Variants in GABRA4 observed in about 807,000 individuals in gnomAD.
The protein encoded by GABRA4 is gamma-aminobutyric acid type A receptor subunit alpha4, also known as gamma-aminobutyric acid receptor subunit alpha-4.
In GABRA4, 12 loss-of-function variants were observed where a neutral mutation model predicts 49.7. The ratio of observed to expected loss-of-function variants is 0.24; its 90% CI spans 0.15 to 0.39. The LOEUF (loss-of-function observed/expected upper bound fraction) is 0.39. Among genes scored for constraint, GABRA4 ranks in the 10% least tolerant of loss-of-function variants. The pLI, the probability that GABRA4 is intolerant of heterozygous loss-of-function variation, is 1.00. For missense variants in GABRA4, 506 were observed against 686.0 expected (o/e 0.74, Z 2.93); for synonymous variants, 288 against 240.2 (o/e 1.20, Z -1.84).
At chr4:46,944,422 T>C (rs947903413) in intron 8 of GABRA4, among the ~76,000 whole-genome samples, 1 of 152,126 alleles carries the variant, frequency 6.6e-6, no homozygotes, top group African/African-American at 2.4e-5. Context: ...CGCTCATTAA[T>C]GACACTTGAT....
chr4:46,968,258 A>G (rs1404598791), intron 7 of GABRA4, among the ~76,000 whole-genome samples: 1 of 151,590 alleles, frequency 6.6e-6, no homozygotes, highest in African/African-American at 2.4e-5. Context: ...ATAGTCTAAT[A>G]ATTATCAATC....
At chr4:46,974,521 AC>A in intron 5 of GABRA4, 146 bp from the exon 6 acceptor site, 1 of 721,662 alleles carries the variant, frequency 1.4e-6, no homozygotes, top group South Asian at 4.0e-5. Flanking sequence ...AATTTAGTTC[AC>A]TATAATTTAG....
At chr4:46,965,377 T>C in intron 7 of GABRA4, 148 bp from the exon 8 acceptor site, 1 of 599,520 alleles carries the variant, frequency 1.7e-6, no homozygotes, top group Non-Finnish European at 2.6e-6. Context: ...TGATGGAGAA[T>C]TGGAATCTTA....
At chr4:46,935,574 T>G (rs1721577531) in intron 8 of GABRA4, among the ~76,000 whole-genome samples, 1 of 151,212 alleles carries the variant, frequency 6.6e-6, no homozygotes, top group African/African-American at 2.4e-5. Context: ...CCAAAGCAAA[T>G]GATCACTGAA....
At chr4:46,977,872 T>C (rs1430784123) in intron 3 of GABRA4, among the ~76,000 whole-genome samples, 1 of 152,016 alleles carries the variant, frequency 6.6e-6, no homozygotes, top group Non-Finnish European at 1.5e-5. Context: ...TTACCACACA[T>C]ACTAATAATT....
intron 2 of GABRA4, among the ~76,000 whole-genome samples, chr4:46,980,972 A>T (rs1397368725): frequency 6.6e-6 from 1 of 152,158 alleles, no homozygotes; most frequent in African/African-American, 2.4e-5. Flanking sequence ...ATTTGGCAAG[A>T]TTCTTGAGAA....
chr4:46,992,144 A>G (rs1485085782), intron 2 of GABRA4, among the ~76,000 whole-genome samples: 1 of 152,206 alleles, frequency 6.6e-6, no homozygotes, highest in Non-Finnish European at 1.5e-5. Context: ...CAAAGGAAAT[A>G]TGAATATGAA....
At chr4:46,950,604 C>A (rs192825640) in intron 8 of GABRA4, among the ~76,000 whole-genome samples, 5 of 151,854 alleles carry the variant, frequency 3.3e-5, no homozygotes, top group Admixed American at 1.3e-4. Context: ...CAAAACAAAT[C>A]TCAGGCTCAT....
chr4:46,955,046 AATG>A (rs1435890585), intron 8 of GABRA4, among the ~76,000 whole-genome samples: 1 of 152,158 alleles, frequency 6.6e-6, no homozygotes, highest in East Asian at 1.9e-4. Context: ...GTACTCAATA[AATG>A]ATGATGATGT....
At chr4:46,983,745 T>C (rs547611817) in intron 2 of GABRA4, among the ~76,000 whole-genome samples, 19 of 152,218 alleles carry the variant, frequency 1.2e-4, no homozygotes, top group Admixed American at 9.2e-4. Context: ...TTACTCAGAG[T>C]ATAATTACAT....
At chr4:46,935,833 A>G (rs1227905813) in intron 8 of GABRA4, among the ~76,000 whole-genome samples, 1 of 152,168 alleles carries the variant, frequency 6.6e-6, no homozygotes, top group Non-Finnish European at 1.5e-5. Flanking sequence ...AAAGTTTTTA[A>G]AAAAAGAATA....
Position 46,974,365 on chromosome 4 carries a change from T to C in GABRA4, c.588A>G (p.Pro196=), listed in dbSNP as rs1412872009. 1 of 1,609,892 alleles carries C rather than the reference T, an allele frequency of 6.2e-7. No individual in the cohort carries two copies. The highest frequency in any genetic ancestry group is 1.3e-5 in the African/African-American group (1 of 74,806). Residue 196 remains proline, a synonymous_variant, in exon 6 of 9, where the codon CCA becomes CCG. Coordinates refer to ENST00000264318, the MANE Select transcript of GABRA4 (RefSeq NM_000809.4). ...CPLKFGSYAY[P]KSEMIYTWTK... ...TCCAGGTATAGATCATCTCACTCTT[T>C]GGATAGGCATCTAAAAGAGAGCACA...
rs763031225 is a variant in GABRA4, at chr4:46,974,280, C to T, written c.673G>A (p.Asp225Asn). The change falls in exon 6 of 9, where the codon GAT (aspartate) becomes AAT (asparagine). Residue 225 changes from aspartate to asparagine, a missense_variant. Asp to Asn is a conservative substitution (Grantham distance 23). Transcript: ENST00000264318. ...CTTGATACGGTTTGCCCAATCAAAT[C>T]ATATTGAACTAAGCTGGAAGACTCC... ...PKESSSLVQYDLIGQTVSSET... is the reference protein window; with the variant it reads ...PKESSSLVQYNLIGQTVSSET... 2 of 1,611,528 alleles carry T rather than the reference C, an allele frequency of 1.2e-6. No homozygotes were observed. Among genetic ancestry groups the T allele is most frequent in the Admixed American group, 1.7e-5 (1 of 59,834 alleles).
Position 46,920,922 on chromosome 4 carries a change from T to C in GABRA4, c.*7303A>G, listed in dbSNP as rs908604644. The C allele has an allele frequency of 2.0e-5, 3 of 151,898 alleles. No individual in the cohort carries two copies. Among genetic ancestry groups the C allele is most frequent in the Non-Finnish European group, 3.0e-5 (2 of 67,788 alleles). The allele number at this position is 151,898 out of a possible 1,614,324, so 9.4% of individuals were successfully genotyped here. On this transcript the variant is annotated 3_prime_UTR_variant, in exon 9 of 9. Coordinates refer to ENST00000264318, the MANE Select transcript of GABRA4 (RefSeq NM_000809.4). ...CTCTGTCATAGCTTGAGGTATCTGA[T>C]GACATTTCAAATACATTTGTGTAAT...
chr4:46,988,283 A>G (rs1723613157), intron 2 of GABRA4, among the ~76,000 whole-genome samples: 1 of 152,018 alleles, frequency 6.6e-6, no homozygotes, highest in East Asian at 1.9e-4. Flanking sequence ...TCATCTCTCT[A>G]TAATGCTTAG....
In GABRA4 at chr4:46,993,370, C is replaced by A. The variant is rs16859837; in HGVS notation, c.55G>T (p.Ala19Ser). 1.2e-6 allele frequency: 2 copies of A among 1,614,196 alleles called. No homozygotes were observed. Among genetic ancestry groups the A allele is most frequent in the Non-Finnish European group, 1.7e-6 (2 of 1,180,024 alleles). Residue 19 changes from alanine (A) to serine (S), a missense_variant, in exon 1 of 9, where the codon GCC (alanine) becomes TCC (serine). Ala to Ser is a moderately conservative substitution (Grantham distance 99). Transcript: ENST00000264318. ...GCCAGGCACAGGAAGCGCAGGAGGG[C>A]GAAACTGACCCCGGCGGACAGAGCG... ...AIALSAGVSFALLRFLCLAVC... is the reference protein window; with the variant it reads ...AIALSAGVSFSLLRFLCLAVC...
At chr4:46,978,710 A>G (rs980389506) in intron 3 of GABRA4, among the ~76,000 whole-genome samples, 3 of 149,230 alleles carry the variant, frequency 2.0e-5, no homozygotes, top group Non-Finnish European at 4.5e-5. Flanking sequence ...AAAAAAAAAA[A>G]AAAGAAAAAG....
intron 8 of GABRA4, among the ~76,000 whole-genome samples, chr4:46,940,987 A>G (rs1405841575): frequency 6.6e-6 from 1 of 152,146 alleles, no homozygotes; most frequent in Non-Finnish European, 1.5e-5. Context: ...TGCATGTTCT[A>G]CCACTTTATG....
intron 8 of GABRA4, among the ~76,000 whole-genome samples, chr4:46,935,831 T>A (rs898147252): frequency 5.9e-5 from 9 of 152,158 alleles, no homozygotes; most frequent in African/African-American, 1.9e-4. Context: ...AAAAAGTTTT[T>A]AAAAAAAGAA....
Sources: allele counts gnomAD v4.1 joint callset (sites outside exome capture counted in the v4.1 genomes callset), GRCh38; gene constraint gnomAD v4.1.1; transcripts MANE v1.5; gene names NCBI Gene and HGNC (gene_info 2026-07-23, HGNC 2026-07-21).